Variants in PHACTR2 observed in about 807,000 individuals in gnomAD.
PHACTR2 encodes the protein phosphatase and actin regulator 2, also known as chromosome 6 open reading frame 56.
PHACTR2 carries 30 observed loss-of-function variants against 76.0 expected under a neutral mutation model. That is an observed-to-expected ratio of 0.39 (90% CI 0.30 to 0.54). The LOEUF (loss-of-function observed/expected upper bound fraction) is 0.54, where lower values mean the gene tolerates loss of function less well. Ranked by LOEUF, PHACTR2 falls within the 20% of genes least tolerant of loss-of-function variation. The pLI, the probability that PHACTR2 is intolerant of heterozygous loss-of-function variation, is 0.61. For missense variants in PHACTR2, 696 were observed against 781.1 expected, an observed-to-expected ratio of 0.89 and a Z score of 1.30; for synonymous variants, 292 against 292.5, an observed-to-expected ratio of 1.00 and a Z score of 0.02.
chr6:143,753,734 G>A lies in PHACTR2; in HGVS notation c.296-20G>A, dbSNP rs368947801. On this transcript the variant is annotated intron_variant, in intron 3 of 12. Transcript: ENST00000440869. This position sits in a 1 kb window ranked among gnomAD's most constrained non-coding sequence, Gnocchi z 4.6. ...GAAAGCCAGCAAGTTAGACATCTAGGTGTTTCTTTCCCATTTTAGATGGAG... is the reference window on the plus strand; with the variant it reads ...GAAAGCCAGCAAGTTAGACATCTAGATGTTTCTTTCCCATTTTAGATGGAG... The A allele has an allele frequency of 4.6e-5, 71 of 1,559,778 alleles. No individual in the cohort carries two copies. In the South Asian group the frequency reaches 6.0e-4, roughly 13 times the overall value.
In PHACTR2 at chr6:143,794,789, A is replaced by G. The variant is rs937118584; in HGVS notation, c.1845+5879A>G. The stretch of plus-strand genomic sequence containing the variant: ...AGCCTGGGTGACAAAGCGAGACTCC[A>G]TCTCAAAAACTGAACCAAACCAAAC... On this transcript the variant is annotated intron_variant, in intron 11 of 12. Coordinates refer to ENST00000440869, the MANE Select transcript of PHACTR2 (RefSeq NM_001100164.2). This position sits in a 1 kb window ranked among gnomAD's most constrained non-coding sequence, Gnocchi z 4.1. Among the ~76,000 whole-genome samples, 16 of 152,154 alleles carry G rather than the reference A, an allele frequency of 1.1e-4. No homozygotes were observed. The highest frequency in any genetic ancestry group is 6.5e-5 in the Admixed American group (1 of 15,272).
intron 2 of PHACTR2, among the ~76,000 whole-genome samples, chr6:143,746,363 TA>T (rs1186638916): frequency 6.6e-6 from 1 of 152,142 alleles, no homozygotes; most frequent in Non-Finnish European, 1.5e-5. Context: ...AGCAAACCAG[TA>T]AAAGTTTTGT....
In PHACTR2 at chr6:143,764,268, C is replaced by T. The variant is rs1237681559; in HGVS notation, c.695-993C>T. 6.6e-6 allele frequency among the ~76,000 whole-genome samples: 1 copy of T among 152,098 alleles called. No individual in the cohort carries two copies. Among genetic ancestry groups the T allele is most frequent in the African/African-American group, 2.4e-5 (1 of 41,412 alleles). ...TGTAATTCTTTGGAGCCACCAAAGC[C>T]TCTCACTTTGGGAGGCTGAGATGGG... On this transcript the variant is annotated intron_variant, in intron 5 of 12. Coordinates refer to ENST00000440869, the MANE Select transcript of PHACTR2 (RefSeq NM_001100164.2). This position sits in a 1 kb window ranked among gnomAD's most constrained non-coding sequence, Gnocchi z 4.7.
rs1043652213 is a variant in PHACTR2 at position 143,782,130 on chromosome 6, A to T, written c.1646-1089A>T. On this transcript the variant is annotated intron_variant, in intron 9 of 12. Transcript: ENST00000440869. This position sits in a 1 kb window ranked among gnomAD's most constrained non-coding sequence, Gnocchi z 4.6. ...ATTTCATACCTGTCATGGATTAAAA[A>T]AATTTTTTTTAATTGAACCCGGGAA... Among the ~76,000 whole-genome samples, 1 of 152,184 alleles carries T rather than the reference A, an allele frequency of 6.6e-6. No individual in the cohort carries two copies. Among genetic ancestry groups the T allele is most frequent in the African/African-American group, 2.4e-5 (1 of 41,448 alleles).
Position 143,801,878 on chromosome 6 carries a change from G to A in PHACTR2, c.1846-5179G>A, listed in dbSNP as rs893022879. On this transcript the variant is annotated intron_variant, in intron 11 of 12. Transcript: ENST00000440869. The surrounding 1 kb of genome is among the most constrained non-coding windows in gnomAD (Gnocchi z 4.6). ...TTGATGTTGGTGACCTACAGATGGG[G>A]TTTGGGTGTGGATGTCCTTTTTGTT... Among the ~76,000 whole-genome samples, 5 of 152,130 alleles carry A rather than the reference G, an allele frequency of 3.3e-5. No homozygotes were observed. Among genetic ancestry groups the A allele is most frequent in the Non-Finnish European group, 7.4e-5 (5 of 68,020 alleles).
At chr6:143,657,705 T>G (rs1776873228) in intron 1 of PHACTR2, among the ~76,000 whole-genome samples, 1 of 152,188 alleles carries the variant, frequency 6.6e-6, no homozygotes, top group African/African-American at 2.4e-5. Flanking sequence ...AGCCCCAGCC[T>G]CAGTGCATCC....
chr6:143,608,060 C>G, upstream of PHACTR2: 1 of 553,268 alleles, frequency 1.8e-6, no homozygotes, highest in Non-Finnish European at 3.2e-6. This position sits in a 1 kb window ranked among gnomAD's most constrained non-coding sequence, Gnocchi z 4.6. Flanking sequence ...GAGGTGGAAA[C>G]CCCAGGGGAT....
chr6:143,601,098 T>C (rs773770027), intron 1 of PHACTR2, among the ~76,000 whole-genome samples: 1 of 152,244 alleles, frequency 6.6e-6, no homozygotes, highest in Admixed American at 6.5e-5. Context: ...CTTGCTGTTA[T>C]GTTTTAATGA....
intron 1 of PHACTR2, among the ~76,000 whole-genome samples, chr6:143,577,555 C>A (rs916168714): frequency 3.9e-5 from 6 of 152,060 alleles, no homozygotes; most frequent in African/African-American, 1.4e-4. Flanking sequence ...GAGAATGCCC[C>A]GTGTGAGTTT....
rs1037581352 is a variant in PHACTR2, at chr6:143,761,143, G to A, written c.694+503G>A. On this transcript the variant is annotated intron_variant, in intron 5 of 12. Transcript: ENST00000440869. This position sits in a 1 kb window ranked among gnomAD's most constrained non-coding sequence, Gnocchi z 5.2. ...TCTCCCTTCTGATAAATGACAAAGG[G>A]TTCATGTCACTTGTTTCAGCTCCAC... is the stretch of plus-strand genomic sequence containing the variant. 6.6e-6 allele frequency among the ~76,000 whole-genome samples: 1 copy of A among 152,140 alleles called. No individual in the cohort carries two copies. Among genetic ancestry groups the A allele is most frequent in the African/African-American group, 2.4e-5 (1 of 41,414 alleles).
chr6:143,760,601 C>T lies in PHACTR2; in HGVS notation c.655C>T (p.Pro219Ser). The change falls in exon 5 of 13, where the codon CCA (proline) becomes TCA (serine). Residue 219 changes from proline (P) to serine (S), a missense_variant. Pro to Ser is a moderately conservative substitution (Grantham distance 74, BLOSUM62 -1). This residue lies in a region of PHACTR2 where 460 missense variants were observed against 450.9 expected (regional missense o/e 1.02). Coordinates refer to ENST00000440869, the MANE Select transcript of PHACTR2 (RefSeq NM_001100164.2). The surrounding 1 kb of genome is among the most constrained non-coding windows in gnomAD (Gnocchi z 6.4). ...TCCTGGTAAGCAGGCCCCCGTCCCT[C>T]CACCCAAGCCAGCAAGCCGAAACAC... is the stretch of plus-strand genomic sequence containing the variant. Reference protein sequence around the residue: ...KAPGKQAPVPPPKPASRNTTR... With the variant: ...KAPGKQAPVPSPKPASRNTTR... The T allele has an allele frequency of 1.2e-6, 2 of 1,613,958 alleles. No individual in the cohort carries two copies. The highest frequency in any genetic ancestry group is 1.7e-6 in the Non-Finnish European group (2 of 1,179,882).
chr6:143,725,339 T>G (rs1778540388), intron 2 of PHACTR2, among the ~76,000 whole-genome samples: 1 of 149,590 alleles, frequency 6.7e-6, no homozygotes, highest in East Asian at 2.1e-4. Flanking sequence ...TAGCTGGGAC[T>G]ACAGGCGCCC....
rs76280789 is a variant in PHACTR2, at chr6:143,617,884, T to A, written c.13+9562T>A. Among the ~76,000 whole-genome samples the A allele has an allele frequency of 5.9e-5, 9 of 152,350 alleles. No homozygotes were observed. The East Asian group carries it at 1.5e-3, about 26-fold the overall frequency. Reference sequence around the variant, plus strand: ...TCAAAGAAGGTGGTTACGGAGAGACTTAGTCACCTACTTCCTAATCAGGAA... The same window carrying A: ...TCAAAGAAGGTGGTTACGGAGAGACATAGTCACCTACTTCCTAATCAGGAA... On this transcript the variant is annotated intron_variant, in intron 1 of 11. Coordinates refer to the PHACTR2 transcript ENST00000305766. This position sits in a 1 kb window ranked among gnomAD's most constrained non-coding sequence, Gnocchi z 4.8.
Position 143,653,408 on chromosome 6 carries a change from A to G in PHACTR2, c.13+45086A>G, listed in dbSNP as rs1294260887. On this transcript the variant is annotated intron_variant, in intron 1 of 11. Transcript: ENST00000305766. This position sits in a 1 kb window ranked among gnomAD's most constrained non-coding sequence, Gnocchi z 4.9. ...ACAGACTGTGGAGATGGGCAAAGGA[A>G]AAAAATCTCCAAGCTTTTTGATATG... 6.6e-6 allele frequency among the ~76,000 whole-genome samples: 1 copy of G among 152,156 alleles called. No homozygotes were observed. The highest frequency in any genetic ancestry group is 1.5e-5 in the Non-Finnish European group (1 of 68,026).
At chr6:143,768,329 G>A (rs1774999875) in intron 6 of PHACTR2, among the ~76,000 whole-genome samples, 1 of 152,122 alleles carries the variant, frequency 6.6e-6, no homozygotes, top group South Asian at 2.1e-4. Flanking sequence ...TCTGTGCTGG[G>A]CAATGTACTA....
intron 2 of PHACTR2, among the ~76,000 whole-genome samples, chr6:143,723,970 C>A (rs1172508711): frequency 6.8e-6 from 1 of 146,098 alleles, no homozygotes; most frequent in East Asian, 2.0e-4. Flanking sequence ...TTCTTTTTTT[C>A]TTTTTTTTTT....
At chr6:143,632,529 C>T (rs558340174) in intron 1 of PHACTR2, among the ~76,000 whole-genome samples, 48 of 152,180 alleles carry the variant, frequency 3.2e-4, no homozygotes, top group African/African-American at 8.7e-4. Flanking sequence ...TGTCTCCCCC[C>T]GACTATGGAC....
At chr6:143,771,218 A>ATATATG (rs1221642836) in intron 6 of PHACTR2, among the ~76,000 whole-genome samples, 1 of 102,072 alleles carries the variant, frequency 9.8e-6, no homozygotes, top group Non-Finnish European at 1.9e-5. Flanking sequence ...ATATATATAT[A>ATATATG]TATATATATA....
intron 2 of PHACTR2, among the ~76,000 whole-genome samples, chr6:143,736,740 A>G: frequency 6.6e-6 from 1 of 151,092 alleles, no homozygotes; most frequent in African/African-American, 2.4e-5. Flanking sequence ...TGCCCGGCTA[A>G]TTTTTTTGTA....
Sources: gnomAD v4.1 joint callset for allele counts (sites outside exome capture counted in the v4.1 genomes callset) on GRCh38, gnomAD v4.1.1 for gene constraint, gnomAD v4.1.1 regional missense constraint, Gnocchi (gnomAD v3.1) non-coding constraint, MANE v1.5 for transcripts, NCBI Gene and HGNC (gene_info 2026-07-23, HGNC 2026-07-21) for gene names.